The following VPS4B variants were observed in gnomAD, a reference collection of about 807,000 sequenced individuals.
VPS4B encodes the protein vacuolar protein sorting 4 homolog B.
A neutral mutation model predicts 56.1 loss-of-function variants in VPS4B; 23 were observed. The ratio of observed to expected loss-of-function variants is 0.41; its 90% confidence interval spans 0.30 to 0.58. VPS4B has a LOEUF of 0.58. Among genes scored for constraint, VPS4B ranks in the 20% least tolerant of loss-of-function variants. The pLI, the probability that VPS4B is intolerant of heterozygous loss-of-function variation, is 0.29. For missense variants in VPS4B, 372 were observed against 531.9 expected (o/e 0.70, Z 2.96); for synonymous variants, 177 against 186.0 (o/e 0.95, Z 0.39).
In VPS4B at chr18:63,400,167, C is replaced by T; in HGVS notation, c.671G>A (p.Arg224Lys). ...KLVKNLFQLA[R>K]ENKPSIIFID... is the part of the protein sequence containing the mutation. ...GAAGATAATGGAGGGCTTGTTCTCT[C>T]TGGCAAGTTGGAATAAATTCTTAAC... is the stretch of plus-strand genomic sequence containing the variant. The change falls in exon 7 of 11, where the codon AGA (arginine) becomes AAA (lysine). Residue 224 changes from arginine to lysine, a missense_variant. Around this residue, in one of 3 missense-constraint regions of VPS4B, gnomAD observed 66 missense variants for 150.7 expected, o/e 0.44. Transcript: ENST00000238497. The T allele has an allele frequency of 2.5e-6, 4 of 1,609,322 alleles. No individual in the cohort carries two copies. Among genetic ancestry groups the T allele is most frequent in the Non-Finnish European group, 3.4e-6 (4 of 1,178,550 alleles).
chr18:63,422,006 AAG>A (rs1916313874), intron 1 of VPS4B, among the ~76,000 whole-genome samples: 2 of 152,198 alleles, frequency 1.3e-5, no homozygotes, highest in African/African-American at 2.4e-5. Flanking sequence ...AACAAAAGTG[AAG>A]AGTCTCACAA....
At chr18:63,419,411 T>TA (rs1177192446) in intron 1 of VPS4B, among the ~76,000 whole-genome samples, 1 of 150,920 alleles carries the variant, frequency 6.6e-6, no homozygotes, top group Non-Finnish European at 1.5e-5. Context: ...AGTGAGACTC[T>TA]GTCTCAAAAA....
intron 9 of VPS4B, chr18:63,396,738 C>A: frequency 3.0e-6 from 1 of 338,682 alleles, no homozygotes. Context: ...CGCAGTGGCT[C>A]ACGCCTTTGG....
At chr18:63,393,288 C>T in intron 10 of VPS4B, 121 bp downstream of exon 10, 1 of 913,984 alleles carries the variant, frequency 1.1e-6, no homozygotes, top group Non-Finnish European at 1.5e-6. Context: ...TTTAATGAGT[C>T]AACAATATTA....
intron 1 of VPS4B, among the ~76,000 whole-genome samples, chr18:63,412,815 C>A (rs1916074167): frequency 6.6e-6 from 1 of 152,096 alleles, no homozygotes; most frequent in South Asian, 2.1e-4. Flanking sequence ...GTCCACACCA[C>A]CGCACCCAGC....
chr18:63,390,194 C>G lies in VPS4B; in HGVS notation c.*781G>C, dbSNP rs930195485. 2 of 152,306 alleles carry G rather than the reference C, an allele frequency of 1.3e-5. No individual in the cohort carries two copies. Among genetic ancestry groups the G allele is most frequent in the Non-Finnish European group, 2.9e-5 (2 of 68,154 alleles). 9.4% of individuals were successfully genotyped at this position (152,306 alleles called of 1,614,324 possible). ...GTTCAAGTGATTCTCCCGCCTCAGC[C>G]TCCTGAGTAGCTGGGATTACAGACA... On this transcript the variant is annotated 3_prime_UTR_variant, in exon 11 of 11. Coordinates refer to ENST00000238497, the MANE Select transcript of VPS4B (RefSeq NM_004869.4).
intron 1 of VPS4B, among the ~76,000 whole-genome samples, chr18:63,420,070 G>T (rs1412092018): frequency 1.3e-5 from 2 of 152,164 alleles, no homozygotes; most frequent in African/African-American, 4.8e-5. Flanking sequence ...GATCCTTCCT[G>T]CTTAAGAGTA....
chr18:63,405,040 G>A (rs927550398), intron 4 of VPS4B, among the ~76,000 whole-genome samples: 11 of 152,038 alleles, frequency 7.2e-5, no homozygotes, highest in South Asian at 4.2e-4. Flanking sequence ...TATGTATACC[G>A]TCTGACTCAA....
intron 4 of VPS4B, among the ~76,000 whole-genome samples, chr18:63,405,580 G>GT (rs1041128082): frequency 2.0e-5 from 3 of 151,500 alleles, no homozygotes; most frequent in African/African-American, 4.9e-5. Context: ...TAAGTATTTG[G>GT]TTTTTTTTCT....
At chr18:63,400,757 A>AT (rs1915791767) in intron 5 of VPS4B, 54 bp from the exon 6 acceptor site, 1 of 1,523,110 alleles carries the variant, frequency 6.6e-7, no homozygotes, top group Admixed American at 2.1e-5. Context: ...TAATTGTATC[A>AT]TCTATACTGA....
chr18:63,397,617 A>G (rs1373413240), intron 8 of VPS4B, among the ~76,000 whole-genome samples: 1 of 152,264 alleles, frequency 6.6e-6, no homozygotes, highest in African/African-American at 2.4e-5. Context: ...GAGATGACAC[A>G]GTAATTCTCT....
chr18:63,414,715 G>A (rs1423974194), intron 1 of VPS4B, among the ~76,000 whole-genome samples: 2 of 152,172 alleles, frequency 1.3e-5, no homozygotes, highest in Admixed American at 6.5e-5. Flanking sequence ...GATAACAGGC[G>A]TGAGCCACCG....
chr18:63,395,070 C>T (rs916391969), intron 9 of VPS4B, among the ~76,000 whole-genome samples: 1 of 152,062 alleles, frequency 6.6e-6, no homozygotes, highest in East Asian at 1.9e-4. Flanking sequence ...AGGATGGAGC[C>T]GCTGAGAGGT....
intron 1 of VPS4B, among the ~76,000 whole-genome samples, chr18:63,420,152 A>G (rs913945990): frequency 6.6e-6 from 1 of 152,168 alleles, no homozygotes; most frequent in African/African-American, 2.4e-5. Flanking sequence ...CAATTCAAGT[A>G]TGATGCATTC....
intron 1 of VPS4B, among the ~76,000 whole-genome samples, chr18:63,413,298 A>G (rs1156309429): frequency 2.0e-5 from 3 of 152,150 alleles, no homozygotes; most frequent in Admixed American, 2.0e-4. Flanking sequence ...GTGAATCTAC[A>G]ATTATCTCAA....
At chr18:63,415,369 C>A in intron 1 of VPS4B, 1 of 243,998 alleles carries the variant, frequency 4.1e-6, no homozygotes, top group South Asian at 5.7e-5. Context: ...CTGCATGACG[C>A]TGGCTACTGC....
intron 5 of VPS4B, among the ~76,000 whole-genome samples, chr18:63,401,996 A>T (rs1295664468): frequency 6.6e-6 from 1 of 152,220 alleles, no homozygotes; most frequent in Non-Finnish European, 1.5e-5. Flanking sequence ...TCTGTCTCAA[A>T]AAAAGAAACA....
intron 1 of VPS4B, 107 bp from the exon 2 acceptor site, chr18:63,411,685 G>C (rs1240438427): frequency 2.9e-6 from 2 of 693,878 alleles, no homozygotes; most frequent in African/African-American, 3.8e-5. Flanking sequence ...TTCTCAGCTT[G>C]CTGGGCTGTG....
chr18:63,415,501 C>T, intron 1 of VPS4B: 1 of 303,390 alleles, frequency 3.3e-6, no homozygotes, highest in South Asian at 3.7e-5. Flanking sequence ...GGCAATTTTT[C>T]TCTGGTTGAT....
Sources: allele counts gnomAD v4.1 joint callset (sites outside exome capture counted in the v4.1 genomes callset), GRCh38; gene constraint gnomAD v4.1.1; regional missense constraint gnomAD v4.1.1; transcripts MANE v1.5; gene names NCBI Gene and HGNC (gene_info 2026-07-23, HGNC 2026-07-21).